The following TSHR variants were observed in gnomAD, a reference collection of about 807,000 sequenced individuals.
TSHR encodes the protein thyroid stimulating hormone receptor.
A neutral mutation model predicts 64.1 loss-of-function variants in TSHR; 51 were observed. That is an observed-to-expected ratio of 0.80 (90% CI 0.64 to 1.01). TSHR has a LOEUF of 1.01. Among genes scored for constraint, TSHR ranks in the 50% least tolerant of loss-of-function variants. The pLI is 0.00. For synonymous variants in TSHR, 361 were observed against 361.9 expected (o/e 1.00, Z 0.03); for missense variants, 877 against 942.8 (o/e 0.93, Z 0.91).
intron 3 of TSHR, chr14:81,087,673 AT>A: frequency 2.4e-6 from 1 of 419,818 alleles, no homozygotes; most frequent in Non-Finnish European, 4.3e-6. Context: ...AAGAAAAAAA[AT>A]TCTGATACTA....
At chr14:81,022,354 CCA>C (rs1227065896) in intron 1 of TSHR, among the ~76,000 whole-genome samples, 3 of 152,172 alleles carry the variant, frequency 2.0e-5, no homozygotes, top group Non-Finnish European at 4.4e-5. Context: ...GTGTTGTGTG[CCA>C]CAGTGTTTCC....
At chr14:80,986,070 G>A (rs983256723) in intron 1 of TSHR, among the ~76,000 whole-genome samples, 8 of 152,128 alleles carry the variant, frequency 5.3e-5, no homozygotes, top group Admixed American at 6.5e-5. Context: ...TTGTTACTCT[G>A]TTTTCAGTTC....
chr14:81,024,945 G>A (rs956130467), intron 1 of TSHR, among the ~76,000 whole-genome samples: 3 of 152,160 alleles, frequency 2.0e-5, no homozygotes, highest in Non-Finnish European at 4.4e-5. Flanking sequence ...ACTGTCATAT[G>A]GAATTTACTG....
At chr14:81,065,539 G>A (rs1206217213) in intron 2 of TSHR, among the ~76,000 whole-genome samples, 3 of 152,148 alleles carry the variant, frequency 2.0e-5, no homozygotes, top group Non-Finnish European at 4.4e-5. Flanking sequence ...AGATCTGAAG[G>A]CTCCACTGAG....
Position 81,145,790 on chromosome 14 carries a change from T to C in TSHR, c.*1437T>C, listed in dbSNP as rs557076119. The C allele has an allele frequency of 3.0e-4, 70 of 233,114 alleles. No individual in the cohort carries two copies. Among genetic ancestry groups the C allele is most frequent in the African/African-American group, 1.4e-3 (63 of 45,462 alleles). The allele number at this position is 233,114 out of a possible 1,614,324, so 14.4% of individuals were successfully genotyped here. ...TTACTTAAAATAGTCAGGATCTTTATCTACAGATGTACTCTCCAGGTTACC... is the reference window on the plus strand; with the variant it reads ...TTACTTAAAATAGTCAGGATCTTTACCTACAGATGTACTCTCCAGGTTACC... On this transcript the variant is annotated 3_prime_UTR_variant, in exon 10 of 10. Transcript: ENST00000298171.
At chr14:81,031,141 T>C (rs1164868129) in intron 1 of TSHR, among the ~76,000 whole-genome samples, 1 of 152,122 alleles carries the variant, frequency 6.6e-6, no homozygotes, top group East Asian at 1.9e-4. Flanking sequence ...TATAAATCTG[T>C]TCACTCTCCT....
At chr14:80,984,076 T>C (rs1888314225) in intron 1 of TSHR, among the ~76,000 whole-genome samples, 1 of 152,096 alleles carries the variant, frequency 6.6e-6, no homozygotes, top group African/African-American at 2.4e-5. Context: ...AGTGTGTGTG[T>C]GTGTGAGTGT....
rs1890895945 is a variant in TSHR at position 81,123,603 on chromosome 14, A to T, written c.692+15151A>T. On this transcript the variant is annotated intron_variant, in intron 8 of 9. Coordinates refer to ENST00000298171, the MANE Select transcript of TSHR (RefSeq NM_000369.5). ...CTCCATCTAAAGAAAAGAGAATCAG[A>T]TGCCATATATATTTCTGCCTTATAA... 3.9e-5 allele frequency among the ~76,000 whole-genome samples: 6 copies of T among 152,250 alleles called. No homozygotes were observed. In the South Asian group the frequency reaches 1.2e-3, roughly 31 times the overall value.
intron 1 of TSHR, among the ~76,000 whole-genome samples, chr14:81,024,244 T>TTTTTG (rs1555372304): frequency 3.3e-5 from 5 of 151,988 alleles, no homozygotes; most frequent in Non-Finnish European, 5.9e-5. Flanking sequence ...CATGGTTTTT[T>TTTTTG]TTTGTTTGTT....
At position 81,145,172 on chromosome 14, in the gene TSHR, T is replaced by C; in HGVS notation, c.*819T>C. The C allele has an allele frequency of 4.3e-6, 1 of 233,156 alleles. No homozygotes were observed. The highest frequency in any genetic ancestry group is 8.5e-6 in the Non-Finnish European group (1 of 117,970). The allele number at this position is 233,156 out of a possible 1,614,324, so 14.4% of individuals were successfully genotyped here. A position where few individuals can be genotyped will look rare whatever the true frequency, so the allele number is the denominator to read the frequency against. On this transcript the variant is annotated 3_prime_UTR_variant, in exon 10 of 10. Coordinates refer to ENST00000298171, the MANE Select transcript of TSHR (RefSeq NM_000369.5). ...GCACACTCAATCCCCTGTTGATTAATAAAACAGGCTGGACACTAATTAACT... is the reference window on the plus strand; with the variant it reads ...GCACACTCAATCCCCTGTTGATTAACAAAACAGGCTGGACACTAATTAACT...
At chr14:80,989,616 G>A (rs1360055050) in intron 1 of TSHR, among the ~76,000 whole-genome samples, 2 of 151,970 alleles carry the variant, frequency 1.3e-5, no homozygotes, top group East Asian at 1.9e-4. Flanking sequence ...AATCCTTCAA[G>A]TCTCAGATCA....
intron 4 of TSHR, 99 bp downstream of exon 4, chr14:81,088,127 GTTCA>G: frequency 1.0e-6 from 1 of 1,001,212 alleles, no homozygotes; most frequent in Non-Finnish European, 1.6e-6. Flanking sequence ...TGTGGTCCAG[GTTCA>G]TTTTAATGGT....
intron 1 of TSHR, among the ~76,000 whole-genome samples, chr14:81,047,063 A>G (rs1000329861): frequency 6.6e-6 from 1 of 152,228 alleles, no homozygotes; most frequent in Non-Finnish European, 1.5e-5. Flanking sequence ...AAAACACATT[A>G]AAGGAAGTTC....
intron 1 of TSHR, among the ~76,000 whole-genome samples, chr14:81,022,881 G>T (rs902312177): frequency 6.6e-6 from 1 of 152,006 alleles, no homozygotes; most frequent in African/African-American, 2.4e-5. Flanking sequence ...AAGGTGGAGC[G>T]CTCATTAATG....
chr14:80,973,727 G>A (rs931409936), intron 1 of TSHR, among the ~76,000 whole-genome samples: 15 of 152,080 alleles, frequency 9.9e-5, no homozygotes, highest in African/African-American at 3.6e-4. Flanking sequence ...TATTTCTATC[G>A]ATGTTTCTTA....
chr14:80,961,477 G>A (rs1349423433), intron 1 of TSHR, among the ~76,000 whole-genome samples: 1 of 152,204 alleles, frequency 6.6e-6, no homozygotes, highest in Non-Finnish European at 1.5e-5. Context: ...AGTGGAGCAG[G>A]TAGAAGGTGG....
chr14:80,988,531 C>T (rs1888583469), intron 1 of TSHR, among the ~76,000 whole-genome samples: 1 of 152,146 alleles, frequency 6.6e-6, no homozygotes, highest in Non-Finnish European at 1.5e-5. Flanking sequence ...ACAATTTGAC[C>T]TGAGATTTGG....
chr14:81,071,001 A>T (rs111245637), intron 3 of TSHR, among the ~76,000 whole-genome samples: 18 of 152,334 alleles, frequency 1.2e-4, no homozygotes, highest in African/African-American at 2.4e-4. Flanking sequence ...ATGAACCTTG[A>T]CTGCACAAAA....
chr14:81,086,805 A>G (rs1488620691), intron 3 of TSHR, among the ~76,000 whole-genome samples: 3 of 152,250 alleles, frequency 2.0e-5, no homozygotes, highest in Admixed American at 1.3e-4. Flanking sequence ...ATTATGCTAA[A>G]TGAAAGAAGG....
Sources: gnomAD v4.1 joint callset for allele counts (sites outside exome capture counted in the v4.1 genomes callset) on GRCh38, gnomAD v4.1.1 for gene constraint, MANE v1.5 for transcripts, NCBI Gene and HGNC (gene_info 2026-07-23, HGNC 2026-07-21) for gene names.